LRRC34: variants seen among roughly 807,000 people sequenced by gnomAD.
LRRC34 encodes the protein leucine rich repeat containing 34, also known as leucine-rich repeat-containing protein 34.
LRRC34 carries 44 observed loss-of-function variants against 48.5 expected under a neutral mutation model. That is an observed-to-expected ratio of 0.91 (90% CI 0.71 to 1.17). The LOEUF is 1.17. Among genes scored for constraint, LRRC34 ranks in the 50% most tolerant of loss-of-function variants. The pLI is 0.00. For synonymous variants in LRRC34, 192 were observed against 197.6 expected, an observed-to-expected ratio of 0.97 and a Z score of 0.24; for missense variants, 502 against 563.0, an observed-to-expected ratio of 0.89 and a Z score of 1.10.
Position 169,793,064 on chromosome 3 carries a change from G to A in LRRC34, c.*571C>T, listed in dbSNP as rs954065134. Among the ~76,000 whole-genome samples the A allele has an allele frequency of 2.0e-5, 3 of 152,178 alleles. No individual in the cohort carries two copies. Among genetic ancestry groups the A allele is most frequent in the African/African-American group, 7.2e-5 (3 of 41,430 alleles). On this transcript the variant is annotated 3_prime_UTR_variant, in exon 11 of 11. Transcript: ENST00000446859. ...AAGAACAGGCAAAACTACTCTGTGG[G>A]GTTAGAAGTCAGGATAGTGGTTATG...
intron 1 of LRRC34, among the ~76,000 whole-genome samples, chr3:169,810,619 C>T (rs1779528147): frequency 6.6e-6 from 1 of 152,148 alleles, no homozygotes; most frequent in Non-Finnish European, 1.5e-5. Context: ...ACAGGATGAT[C>T]AAAGGTGTTC....
intron 7 of LRRC34, among the ~76,000 whole-genome samples, chr3:169,798,296 C>G (rs923303050): frequency 5.9e-5 from 9 of 152,134 alleles, no homozygotes; most frequent in Non-Finnish European, 1.3e-4. Context: ...GGGTTTTAGC[C>G]CCATTCACTG....
intron 1 of LRRC34, among the ~76,000 whole-genome samples, chr3:169,809,522 G>A (rs1005587165): frequency 6.6e-6 from 1 of 152,140 alleles, no homozygotes. Context: ...TCTCCTTTCT[G>A]TTATACATGC....
Position 169,806,902 on chromosome 3 carries a change from G to A in LRRC34, c.474C>T (p.Leu158=). ...QKQLNLIYLN[L]MFNDIGPEGG... is the part of the protein sequence containing the mutation. Reference sequence around the variant, plus strand: ...CTTCGGGCCCAATATCATTAAACATGAGGTTTAAGTAAATGAGATTAAGTT... The same window carrying A: ...CTTCGGGCCCAATATCATTAAACATAAGGTTTAAGTAAATGAGATTAAGTT... The change falls in exon 5 of 11, where the codon CTC becomes CTT. Residue 158 remains leucine, a synonymous_variant. Transcript: ENST00000446859. 6.2e-7 allele frequency: 1 copy of A among 1,604,900 alleles called. No homozygotes were observed. Among genetic ancestry groups the A allele is most frequent in the Non-Finnish European group, 8.5e-7 (1 of 1,172,684 alleles).
rs1367308643 is a variant in LRRC34 at position 169,812,573 on chromosome 3, C to T, written c.-25G>A. 8 of 1,456,624 alleles carry T rather than the reference C, an allele frequency of 5.5e-6. No individual in the cohort carries two copies. In the East Asian group the frequency reaches 1.6e-4, roughly 30 times the overall value. 90.2% of individuals were successfully genotyped at this position (1,456,624 alleles called of 1,614,324 possible). A position where few individuals can be genotyped will look rare whatever the true frequency, so the allele number is the denominator to read the frequency against. On this transcript the variant is annotated 5_prime_UTR_variant, in exon 1 of 11. Transcript: ENST00000446859. The surrounding 1 kb of genome is among the most constrained non-coding windows in gnomAD (Gnocchi z 4.3). ...TGGCGACCGCGCGCGCACTTACAGT[C>T]CGCCTGCAGCTGTGAGGCGGCTACA...
Position 169,796,783 on chromosome 3 carries a change from C to T in LRRC34, c.870G>A (p.Leu290=), listed in dbSNP as rs774004182. ...GGTAGCGCAGGCTACTGTTCAGATA[C>T]AGTGCATCACATAACTGTTGTATAC... ...NSGIQQLCDA[L]YLNSSLRYLD... is the part of the protein sequence containing the mutation. Residue 290 remains leucine (L), a synonymous_variant, in exon 8 of 11, where the codon CTG becomes CTA. Coordinates refer to ENST00000446859, the MANE Select transcript of LRRC34 (RefSeq NM_001172779.2). 9.3e-6 allele frequency: 15 copies of T among 1,610,530 alleles called. No individual in the cohort carries two copies. In the South Asian group the frequency reaches 1.7e-4, roughly 18 times the overall value.
intron 1 of LRRC34, among the ~76,000 whole-genome samples, chr3:169,810,235 G>A (rs534112203): frequency 1.7e-4 from 26 of 151,698 alleles, no homozygotes; most frequent in South Asian, 8.3e-4. Flanking sequence ...CACTGAGCCC[G>A]ACCGGAAATT....
intron 9 of LRRC34, 73 bp from the exon 10 acceptor site, chr3:169,795,684 T>A: frequency 6.5e-7 from 1 of 1,534,866 alleles, no homozygotes. Flanking sequence ...TCTTGTGTAG[T>A]CTTAGCATTA....
rs540155302 is a variant in LRRC34 at position 169,809,531 on chromosome 3, G to A, written c.140-786C>T. 5.3e-5 allele frequency among the ~76,000 whole-genome samples: 8 copies of A among 152,294 alleles called. 1 individual carries two copies. The South Asian group carries it at 1.7e-3, about 32-fold the overall frequency. ...TTGAGATCTCCTTTCTGTTATACAT[G>A]CAGATTTCCTTAATGACCTTGCTGT... On this transcript the variant is annotated intron_variant, in intron 1 of 10. Coordinates refer to ENST00000446859, the MANE Select transcript of LRRC34 (RefSeq NM_001172779.2).
chr3:169,812,747 C>T lies in LRRC34; in HGVS notation c.-199G>A. ...GGCAGCCTGAGGGAGGGCGTCCTGG[C>T]TCCTTTGCAGGGAGGAGTTCCCGAG... On this transcript the variant is annotated 5_prime_UTR_variant, in exon 1 of 11. Coordinates refer to ENST00000446859, the MANE Select transcript of LRRC34 (RefSeq NM_001172779.2). This position sits in a 1 kb window ranked among gnomAD's most constrained non-coding sequence, Gnocchi z 4.3. The T allele has an allele frequency of 2.8e-6, 2 of 723,278 alleles. No homozygotes were observed. Among genetic ancestry groups the T allele is most frequent in the Non-Finnish European group, 4.1e-6 (2 of 486,042 alleles). 44.8% of individuals were successfully genotyped at this position (723,278 alleles called of 1,614,324 possible).
In LRRC34 at chr3:169,812,374, G is replaced by T. The variant is rs1324335669; in HGVS notation, c.139+36C>A. 1.3e-6 allele frequency: 2 copies of T among 1,516,546 alleles called. No individual in the cohort carries two copies. Among genetic ancestry groups the T allele is most frequent in the South Asian group, 1.2e-5 (1 of 82,690 alleles). The allele number at this position is 1,516,546 out of a possible 1,614,324, so 93.9% of individuals were successfully genotyped here. A position where few individuals can be genotyped will look rare whatever the true frequency, so the allele number is the denominator to read the frequency against. On this transcript the variant is annotated intron_variant, in intron 1 of 10. Coordinates refer to ENST00000446859, the MANE Select transcript of LRRC34 (RefSeq NM_001172779.2). The surrounding 1 kb of genome is among the most constrained non-coding windows in gnomAD (Gnocchi z 4.3). ...CCGGCGCCCCTCGCGCGTTTTGTCT[G>T]GGCCAGGCCGCGCAGACGTGCTCCC...
rs1280706645 is a variant in LRRC34 at position 169,806,855 on chromosome 3, A to C, written c.521T>G (p.Val174Gly). ...GPEGGELIAK[V>G]LHKNRTLKYL... is the part of the protein sequence containing the mutation. ...AAATACATAAATGCTTACATGTAGC[A>C]CTTTAGCAATCAATTCTCCACCTTC... The change falls in exon 5 of 11, where the codon GTG becomes GGG. Residue 174 changes from valine (V) to glycine (G), a missense_variant. By Grantham distance (109) the Val-to-Gly change is moderately radical (BLOSUM62 -3). Transcript: ENST00000446859. The C allele has an allele frequency of 6.3e-7, 1 of 1,592,850 alleles. No homozygotes were observed. The highest frequency in any genetic ancestry group is 8.6e-7 in the Non-Finnish European group (1 of 1,163,098).
intron 1 of LRRC34, among the ~76,000 whole-genome samples, chr3:169,809,843 A>T (rs564232706): frequency 1.4e-4 from 22 of 152,314 alleles, no homozygotes; most frequent in Non-Finnish European, 2.9e-5. Flanking sequence ...GCAGAACGAG[A>T]TTTAACATGA....
intron 2 of LRRC34, 145 bp downstream of exon 2, chr3:169,808,483 G>A (rs539875631): frequency 6.3e-5 from 35 of 556,354 alleles, no homozygotes; most frequent in African/African-American, 4.3e-4. Flanking sequence ...AGTGTTGCTC[G>A]TGTACTTACT....
At chr3:169,800,621 A>G (rs1469971853) in intron 7 of LRRC34, 38 bp downstream of exon 7, 2 of 1,302,512 alleles carry the variant, frequency 1.5e-6, no homozygotes, top group East Asian at 5.1e-5. Flanking sequence ...AGTTTTATTC[A>G]TGTTGTTATA....
At chr3:169,796,496 C>A in intron 8 of LRRC34, 127 bp from the exon 9 acceptor site, 1 of 1,139,906 alleles carries the variant, frequency 8.8e-7, no homozygotes, top group Non-Finnish European at 1.2e-6. Context: ...ACTTGATTTC[C>A]AAGAAAGTTA....
intron 5 of LRRC34, 24 bp downstream of exon 5, chr3:169,806,824 A>C (rs1191740001): frequency 1.4e-6 from 2 of 1,456,550 alleles, no homozygotes; most frequent in Non-Finnish European, 1.9e-6. Flanking sequence ...ATACAATGTT[A>C]GTTTGAAATA....
intron 1 of LRRC34, 113 bp from the exon 2 acceptor site, chr3:169,808,858 A>G: frequency 1.6e-6 from 1 of 606,324 alleles, no homozygotes; most frequent in Non-Finnish European, 2.9e-6. Context: ...TAGTGGGGGT[A>G]GGGAAGAAAA....
intron 8 of LRRC34, 118 bp from the exon 9 acceptor site, chr3:169,796,487 C>T: frequency 8.4e-7 from 1 of 1,188,648 alleles, no homozygotes; most frequent in Non-Finnish European, 1.2e-6. Context: ...ATTTTAACCA[C>T]TTGATTTCCA....
Sources: allele counts gnomAD v4.1 joint callset (sites outside exome capture counted in the v4.1 genomes callset), GRCh38; gene constraint gnomAD v4.1.1; non-coding constraint Gnocchi (gnomAD v3.1); transcripts MANE v1.5; gene names NCBI Gene and HGNC (gene_info 2026-07-23, HGNC 2026-07-21).